The following TMEM135 variants were observed in gnomAD, a reference collection of about 807,000 sequenced individuals.
TMEM135 encodes peroxisomal membrane protein 52.
A neutral mutation model predicts 60.3 loss-of-function variants in TMEM135; 30 were observed. The observed-to-expected ratio is 0.50, with a 90% CI of 0.37 to 0.68. The LOEUF (loss-of-function observed/expected upper bound fraction) is 0.68. Among genes scored for constraint, TMEM135 ranks in the 30% least tolerant of loss-of-function variants. TMEM135 has a pLI of 0.00. For synonymous variants in TMEM135, 190 were observed against 186.7 expected (o/e 1.02, Z -0.14); for missense variants, 468 against 548.8 (o/e 0.85, Z 1.47).
At chr11:87,187,281 TTA>T (rs1205307458) in intron 5 of TMEM135, among the ~76,000 whole-genome samples, 1 of 152,160 alleles carries the variant, frequency 6.6e-6, no homozygotes, top group Non-Finnish European at 1.5e-5. Context: ...GAGCAATAAG[TTA>T]GAGGGGCCAG....
intron 5 of TMEM135, among the ~76,000 whole-genome samples, chr11:87,170,353 G>T (rs913936897): frequency 1.3e-5 from 2 of 152,068 alleles, no homozygotes; most frequent in South Asian, 4.1e-4. Flanking sequence ...ATCCTTTGGA[G>T]GAGAAGAGGC....
At chr11:87,225,497 G>A (rs1312061086) in intron 5 of TMEM135, among the ~76,000 whole-genome samples, 2 of 150,466 alleles carry the variant, frequency 1.3e-5, no homozygotes, top group African/African-American at 4.9e-5. Flanking sequence ...GACACATCTT[G>A]TAAAAAAAAA....
intron 3 of TMEM135, among the ~76,000 whole-genome samples, chr11:87,073,599 G>A (rs1292635722): frequency 6.6e-6 from 1 of 152,152 alleles, no homozygotes; most frequent in African/African-American, 2.4e-5. Flanking sequence ...GCCCAGCTCT[G>A]CCACTGACTG....
At chr11:87,271,465 G>A (rs1355481855) in intron 6 of TMEM135, among the ~76,000 whole-genome samples, 1 of 152,106 alleles carries the variant, frequency 6.6e-6, no homozygotes, top group Non-Finnish European at 1.5e-5. Context: ...TAGCACATAC[G>A]GCTATTGAGC....
chr11:87,075,088 C>T (rs561440827), intron 3 of TMEM135, among the ~76,000 whole-genome samples: 1 of 152,224 alleles, frequency 6.6e-6, no homozygotes, highest in Admixed American at 6.5e-5. Flanking sequence ...CCCCAACCCC[C>T]GACCAGTAGC....
At chr11:87,320,500 C>T (rs889495947) in intron 14 of TMEM135, among the ~76,000 whole-genome samples, 2 of 152,076 alleles carry the variant, frequency 1.3e-5, no homozygotes, top group Non-Finnish European at 2.9e-5. Flanking sequence ...TAATGCTGGC[C>T]AGTGATTCAA....
intron 6 of TMEM135, among the ~76,000 whole-genome samples, chr11:87,285,719 G>C (rs946172008): frequency 2.6e-5 from 4 of 152,214 alleles, no homozygotes; most frequent in East Asian, 1.9e-4. Flanking sequence ...AGCTTTCACA[G>C]CGTGGAAGGG....
In TMEM135 at chr11:87,298,840, C is replaced by A. The variant is rs182404796; in HGVS notation, c.551+3017C>A. Among the ~76,000 whole-genome samples, 45 of 147,546 alleles carry A rather than the reference C, an allele frequency of 3.0e-4. 1 individual carries two copies. Among genetic ancestry groups the A allele is most frequent in the African/African-American group, 1.1e-3 (45 of 39,614 alleles). On this transcript the variant is annotated intron_variant, in intron 7 of 14. Coordinates refer to ENST00000305494, the MANE Select transcript of TMEM135 (RefSeq NM_022918.4). ...CAGTGGCTCACGCCTGTAATCCCAGCACTTTGGGAGGCCAAGGCAGGTAGA... is the reference window on the plus strand; with the variant it reads ...CAGTGGCTCACGCCTGTAATCCCAGAACTTTGGGAGGCCAAGGCAGGTAGA...
At chr11:87,315,511 C>T (rs890477394) in intron 12 of TMEM135, among the ~76,000 whole-genome samples, 3 of 151,916 alleles carry the variant, frequency 2.0e-5, no homozygotes, top group Non-Finnish European at 4.4e-5. Flanking sequence ...ATAGAGCCAA[C>T]ATAAGGTTCC....
intron 4 of TMEM135, among the ~76,000 whole-genome samples, chr11:87,157,079 T>G (rs1047071975): frequency 6.6e-6 from 1 of 151,058 alleles, no homozygotes; most frequent in Non-Finnish European, 1.5e-5. Flanking sequence ...CTTTTGTTTT[T>G]TTTTTTTTTT....
intron 7 of TMEM135, among the ~76,000 whole-genome samples, chr11:87,301,815 T>C (rs1204222703): frequency 6.6e-6 from 1 of 152,214 alleles, no homozygotes; most frequent in African/African-American, 2.4e-5. Flanking sequence ...AGGAATATTA[T>C]TTTCTAGATA....
rs1367396628 is a variant in TMEM135, at chr11:87,323,106, ATTG to A, written c.*1776_*1778del. On this transcript the variant is annotated 3_prime_UTR_variant, in exon 15 of 15. Coordinates refer to ENST00000305494, the MANE Select transcript of TMEM135 (RefSeq NM_022918.4). ...AAAAAGATGTTTTAATTCATAAATT[ATTG>A]TTTTCATTGACATTAAAAGACTGTG... 2.2e-6 allele frequency: 1 copy of A among 453,712 alleles called. No homozygotes were observed. Among genetic ancestry groups the A allele is most frequent in the South Asian group, 1.6e-5 (1 of 64,098 alleles). The allele number at this position is 453,712 out of a possible 1,614,324, so 28.1% of individuals were successfully genotyped here. A position where few individuals can be genotyped will look rare whatever the true frequency, so the allele number is the denominator to read the frequency against.
intron 4 of TMEM135, among the ~76,000 whole-genome samples, chr11:87,112,207 C>T (rs149646186): frequency 1.2e-4 from 18 of 152,318 alleles, no homozygotes; most frequent in African/African-American, 4.3e-4. Context: ...TGACTCAGTA[C>T]ACGTCTGTGT....
chr11:87,107,022 C>T (rs1007565111), intron 4 of TMEM135, among the ~76,000 whole-genome samples: 7 of 152,124 alleles, frequency 4.6e-5, no homozygotes, highest in East Asian at 1.9e-4. Context: ...CTCGCTATCA[C>T]GAAGACAGCA....
chr11:87,248,316 C>G (rs543105567), intron 6 of TMEM135, among the ~76,000 whole-genome samples: 1 of 152,232 alleles, frequency 6.6e-6, no homozygotes, highest in South Asian at 2.1e-4. Flanking sequence ...ACATTGCCAC[C>G]AACAGTGTAC....
intron 6 of TMEM135, among the ~76,000 whole-genome samples, chr11:87,252,828 G>GTGTGTGTGTA (rs1188601423): frequency 6.6e-6 from 1 of 150,988 alleles, no homozygotes; most frequent in Non-Finnish European, 1.5e-5. Context: ...GTGTGTGTGT[G>GTGTGTGTGTA]TGTATTATAT....
At chr11:87,174,333 C>A (rs1396773605) in intron 5 of TMEM135, among the ~76,000 whole-genome samples, 1 of 152,150 alleles carries the variant, frequency 6.6e-6, no homozygotes, top group Admixed American at 6.6e-5. Flanking sequence ...TGATTCACTT[C>A]TGCCAATATC....
chr11:87,042,250 C>T (rs1241393648), intron 1 of TMEM135, among the ~76,000 whole-genome samples: 3 of 152,226 alleles, frequency 2.0e-5, no homozygotes, highest in Non-Finnish European at 4.4e-5. Context: ...TGTCTAGATT[C>T]TTCTTGGCCT....
At chr11:87,208,877 A>G (rs1343414949) in intron 5 of TMEM135, among the ~76,000 whole-genome samples, 1 of 152,182 alleles carries the variant, frequency 6.6e-6, no homozygotes, top group African/African-American at 2.4e-5. Flanking sequence ...TTCAGGAGGA[A>G]CCTTACAAGC....
Sources: allele counts gnomAD v4.1 joint callset (sites outside exome capture counted in the v4.1 genomes callset), GRCh38; gene constraint gnomAD v4.1.1; transcripts MANE v1.5; gene names NCBI Gene and HGNC (gene_info 2026-07-23, HGNC 2026-07-21).